The following ARID5B variants were observed in gnomAD, a reference collection of about 807,000 sequenced individuals.
The protein encoded by ARID5B is AT-rich interaction domain 5B.
In ARID5B, 13 loss-of-function variants were observed where a neutral mutation model predicts 97.2. The observed-to-expected ratio is 0.13, with a 90% CI of 0.09 to 0.21. ARID5B has a LOEUF of 0.21. Ranked by LOEUF, ARID5B falls within the 10% of genes least tolerant of loss-of-function variation. The probability of loss-of-function intolerance (pLI) is 1.00; values close to 1 mark genes in which losing one functional copy is unlikely to be tolerated. For synonymous variants in ARID5B, 556 were observed against 570.3 expected (o/e 0.97, Z 0.36); for missense variants, 1,210 against 1,465.3 (o/e 0.83, Z 2.84).
intron 4 of ARID5B, among the ~76,000 whole-genome samples, chr10:62,020,352 A>AT (rs1263805223): frequency 1.3e-5 from 2 of 152,154 alleles, no homozygotes; most frequent in Non-Finnish European, 2.9e-5. Context: ...GCATGATAAT[A>AT]TTTTTCCTCC....
intron 3 of ARID5B, among the ~76,000 whole-genome samples, chr10:61,958,553 T>A (rs138087268): frequency 6.6e-6 from 1 of 152,280 alleles, no homozygotes; most frequent in Non-Finnish European, 1.5e-5. Flanking sequence ...GGTAGTAGTC[T>A]CATACACATG....
rs1418344547 is a variant in ARID5B at position 62,096,043 on chromosome 10, A to G, written c.*3013A>G. The stretch of plus-strand genomic sequence containing the variant: ...TTTGGCAACTCCACATGATAAAAAA[A>G]TAAAAACAGCCCAACCGAGTTTCGG... On this transcript the variant is annotated 3_prime_UTR_variant, in exon 10 of 10. Transcript: ENST00000279873. 1 of 233,162 alleles carries G rather than the reference A, an allele frequency of 4.3e-6. No individual in the cohort carries two copies. The highest frequency in any genetic ancestry group is 2.2e-5 in the African/African-American group (1 of 45,352). 14.4% of individuals were successfully genotyped at this position (233,162 alleles called of 1,614,324 possible).
chr10:61,963,081 T>C (rs1329149770), intron 3 of ARID5B, among the ~76,000 whole-genome samples: 1 of 152,176 alleles, frequency 6.6e-6, no homozygotes, highest in African/African-American at 2.4e-5. Context: ...TAATGTAAAT[T>C]AGGGCCAATG....
chr10:61,910,405 T>C (rs1282117710), intron 2 of ARID5B, among the ~76,000 whole-genome samples: 1 of 152,234 alleles, frequency 6.6e-6, no homozygotes, highest in East Asian at 1.9e-4. Flanking sequence ...CTGTAGCTAG[T>C]GACTACCCGT....
At chr10:62,070,550 C>T (rs1840050364) in intron 8 of ARID5B, among the ~76,000 whole-genome samples, 3 of 152,328 alleles carry the variant, frequency 2.0e-5, no homozygotes, top group Admixed American at 2.0e-4. Context: ...CTTATACGTA[C>T]ATCCTCAGGC....
rs556948169 is a variant in ARID5B, at chr10:61,938,942, C to CT, written c.277-1234dup. Among the ~76,000 whole-genome samples, 187 of 141,210 alleles carry CT rather than the reference C, an allele frequency of 1.3e-3. 1 individual carries two copies. The highest frequency in any genetic ancestry group is 4.6e-3 in the African/African-American group (176 of 38,030). 92.6% of individuals were successfully genotyped at this position (141,210 alleles called of 152,430 possible). A position where few individuals can be genotyped will look rare whatever the true frequency, so the allele number is the denominator to read the frequency against. On this transcript the variant is annotated intron_variant, in intron 2 of 9. Coordinates refer to ENST00000279873, the MANE Select transcript of ARID5B (RefSeq NM_032199.3). ...ATTATGTGAAGCTTACCCTAATAAC[C>CT]TTTTTTTGTTCGAATTGGAGAAGTG...
intron 2 of ARID5B, among the ~76,000 whole-genome samples, chr10:61,919,867 A>T (rs1843981887): frequency 6.6e-6 from 1 of 152,046 alleles, no homozygotes; most frequent in South Asian, 2.1e-4. Flanking sequence ...TTAAATGCAG[A>T]TCGTATGAAT....
rs529029870 is a variant in ARID5B at position 61,989,511 on chromosome 10, GGAAAT to G, written c.503-10574_503-10570del. ...TAAGTAAAAAATGTTAAACATGATA[GGAAAT>G]GAAATAAGATGGTGATTAACTATAA... On this transcript the variant is annotated intron_variant, in intron 3 of 9. Transcript: ENST00000279873. 2.5e-3 allele frequency among the ~76,000 whole-genome samples: 386 copies of G among 152,226 alleles called. 1 individual carries two copies. Among genetic ancestry groups the G allele is most frequent in the African/African-American group, 9.0e-3 (373 of 41,520 alleles).
intron 4 of ARID5B, among the ~76,000 whole-genome samples, chr10:62,025,605 C>T (rs1839410101): frequency 6.6e-6 from 1 of 152,116 alleles, no homozygotes; most frequent in Non-Finnish European, 1.5e-5. Flanking sequence ...TTGTGTGCTT[C>T]CTGCGATAGC....
intron 5 of ARID5B, among the ~76,000 whole-genome samples, chr10:62,053,158 ATC>A (rs1589275957): frequency 1.3e-5 from 2 of 152,336 alleles, no homozygotes; most frequent in East Asian, 3.9e-4. Context: ...GTCTGTGACC[ATC>A]TAATCATCTG....
chr10:61,953,528 G>T (rs1263210262), intron 3 of ARID5B, among the ~76,000 whole-genome samples: 1 of 152,054 alleles, frequency 6.6e-6, no homozygotes, highest in Non-Finnish European at 1.5e-5. Context: ...TTAGAAGAAT[G>T]AGCAAACACA....
intron 3 of ARID5B, among the ~76,000 whole-genome samples, chr10:61,962,916 C>T (rs1397972114): frequency 1.3e-5 from 2 of 152,116 alleles, no homozygotes; most frequent in South Asian, 2.1e-4. Context: ...TAATAAACCA[C>T]GAAAGAAACT....
At chr10:62,045,101 A>G (rs1284738653) in intron 4 of ARID5B, among the ~76,000 whole-genome samples, 1 of 152,230 alleles carries the variant, frequency 6.6e-6, no homozygotes, top group Non-Finnish European at 1.5e-5. Flanking sequence ...TTTAAGTTAA[A>G]GCCAAAATGA....
rs1840425259 is a variant in ARID5B at position 62,093,811 on chromosome 10, A to G, written c.*781A>G. ...TTGAGCAGCTTTGGGTGGTAAAGTT[A>G]TTGTTTACAAATTGAAGCAACTGAT... On this transcript the variant is annotated 3_prime_UTR_variant, in exon 10 of 10. Transcript: ENST00000279873. The G allele has an allele frequency of 4.3e-6, 1 of 233,436 alleles. No individual in the cohort carries two copies. The highest frequency in any genetic ancestry group is 8.5e-6 in the Non-Finnish European group (1 of 118,052). 14.5% of individuals were successfully genotyped at this position (233,436 alleles called of 1,614,324 possible). A position where few individuals can be genotyped will look rare whatever the true frequency, so the allele number is the denominator to read the frequency against.
chr10:61,953,955 TCA>T (rs1838357231), intron 3 of ARID5B, among the ~76,000 whole-genome samples: 1 of 152,204 alleles, frequency 6.6e-6, no homozygotes, highest in East Asian at 1.9e-4. Context: ...TTTATTTAAT[TCA>T]CAAACACTTG....
chr10:62,005,159 A>G (rs1839130445), intron 4 of ARID5B, among the ~76,000 whole-genome samples: 1 of 152,208 alleles, frequency 6.6e-6, no homozygotes, highest in South Asian at 2.1e-4. Context: ...GTCAATATGA[A>G]AATACACATT....
chr10:62,076,351 G>A (rs976835355), intron 8 of ARID5B, among the ~76,000 whole-genome samples: 1 of 152,008 alleles, frequency 6.6e-6, no homozygotes, highest in Non-Finnish European at 1.5e-5. Flanking sequence ...AACCAGCCTG[G>A]CCAACATGGT....
chr10:62,008,997 T>C (rs1275094303), intron 4 of ARID5B, among the ~76,000 whole-genome samples: 1 of 152,260 alleles, frequency 6.6e-6, no homozygotes, highest in Non-Finnish European at 1.5e-5. Flanking sequence ...TGTCACTTTT[T>C]TATTTCTGTA....
intron 5 of ARID5B, 108 bp from the exon 6 acceptor site, chr10:62,057,009 C>G: frequency 3.0e-6 from 3 of 986,104 alleles, no homozygotes; most frequent in Non-Finnish European, 4.5e-6. Context: ...TTTACCGGTT[C>G]ACCCTTAGCA....
Sources: allele counts gnomAD v4.1 joint callset (sites outside exome capture counted in the v4.1 genomes callset), GRCh38; gene constraint gnomAD v4.1.1; transcripts MANE v1.5; gene names NCBI Gene and HGNC (gene_info 2026-07-23, HGNC 2026-07-21).